ADAMTSL1: variants seen among roughly 807,000 people sequenced by gnomAD.
The protein encoded by ADAMTSL1 is ADAMTS like 1.
Under a neutral mutation model 201.8 loss-of-function variants are expected in ADAMTSL1, and 126 were observed. The observed-to-expected ratio is 0.62, with a 90% CI of 0.54 to 0.72. The LOEUF is 0.72. Among genes scored for constraint, ADAMTSL1 ranks in the 30% least tolerant of loss-of-function variants. ADAMTSL1 has a pLI of 0.00. For missense variants in ADAMTSL1, 2,679 were observed against 2,277.8 expected (o/e 1.18, Z -3.59); for synonymous variants, 1,121 against 903.4 (o/e 1.24, Z -4.32).
At chr9:18,882,992 A>C (rs1248531236) in intron 23 of ADAMTSL1, among the ~76,000 whole-genome samples, 1 of 12,384 alleles carries the variant, frequency 8.1e-5, no homozygotes, top group African/African-American at 8.9e-4. Context: ...AGCCTGCCTC[A>C]AAAAAAAAAA....
intron 1 of ADAMTSL1, among the ~76,000 whole-genome samples, chr9:18,053,541 C>G (rs1395049333): frequency 6.6e-6 from 1 of 152,168 alleles, no homozygotes; most frequent in Non-Finnish European, 1.5e-5. Context: ...AATCACACAA[C>G]ATATTCCACC....
At chr9:18,485,568 G>A (rs911125329) in intron 1 of ADAMTSL1, among the ~76,000 whole-genome samples, 9 of 152,198 alleles carry the variant, frequency 5.9e-5, no homozygotes, top group Non-Finnish European at 1.3e-4. Context: ...GAGGGATGCT[G>A]GCATTTTTCT....
chr9:18,132,298 C>T (rs999149362), intron 1 of ADAMTSL1, among the ~76,000 whole-genome samples: 1 of 152,064 alleles, frequency 6.6e-6, no homozygotes, highest in African/African-American at 2.4e-5. Context: ...TGAAATGCAT[C>T]GTGTGTATAT....
intron 4 of ADAMTSL1, among the ~76,000 whole-genome samples, chr9:18,621,872 T>C (rs1173074683): frequency 2.6e-5 from 4 of 152,206 alleles, no homozygotes; most frequent in Non-Finnish European, 2.9e-5. Context: ...TTTTTGTCAT[T>C]TGAGTGCATC....
intron 23 of ADAMTSL1, among the ~76,000 whole-genome samples, chr9:18,869,968 A>G (rs1362597049): frequency 6.6e-6 from 1 of 151,808 alleles, no homozygotes; most frequent in Non-Finnish European, 1.5e-5. Flanking sequence ...TTCACAATGG[A>G]TAATTTATGT....
intron 1 of ADAMTSL1, among the ~76,000 whole-genome samples, chr9:17,951,553 C>T (rs1288736649): frequency 1.3e-5 from 2 of 151,806 alleles, no homozygotes; most frequent in Non-Finnish European, 2.9e-5. Flanking sequence ...ATCTGTGAGG[C>T]TGAATCCCTT....
In ADAMTSL1 at chr9:18,727,651, T is replaced by C. The variant is rs566402460; in HGVS notation, c.2006+5986T>C. On this transcript the variant is annotated intron_variant, in intron 15 of 28. Coordinates refer to ENST00000380548, the MANE Select transcript of ADAMTSL1 (RefSeq NM_001040272.6). Reference sequence around the variant, plus strand: ...TCAACAAGGGTAAAGGTTATATGTTTATTTGCCTCAGGGCTAAAATGTTTA... The same window carrying C: ...TCAACAAGGGTAAAGGTTATATGTTCATTTGCCTCAGGGCTAAAATGTTTA... 4.8e-4 allele frequency among the ~76,000 whole-genome samples: 73 copies of C among 152,356 alleles called. 1 individual carries two copies. The South Asian group carries it at 0.013, about 28-fold the overall frequency.
chr9:18,027,496 G>T (rs1454759674), intron 1 of ADAMTSL1, among the ~76,000 whole-genome samples: 1 of 151,416 alleles, frequency 6.6e-6, no homozygotes, highest in Non-Finnish European at 1.5e-5. Context: ...GGATCAAGTT[G>T]TTTAGTTTCC....
intron 1 of ADAMTSL1, among the ~76,000 whole-genome samples, chr9:17,939,806 G>C (rs774958846): frequency 1.3e-5 from 2 of 152,158 alleles, no homozygotes; most frequent in African/African-American, 2.4e-5. Context: ...AGGAACAGAG[G>C]CATGTATAAA....
intron 2 of ADAMTSL1, among the ~76,000 whole-genome samples, chr9:18,452,670 T>C (rs933210316): frequency 1.3e-5 from 2 of 152,174 alleles, no homozygotes; most frequent in East Asian, 1.9e-4. Flanking sequence ...ATAAAAGAAA[T>C]AGGCAAGAAG....
At chr9:18,386,711 T>C (rs1837807976) in intron 2 of ADAMTSL1, among the ~76,000 whole-genome samples, 1 of 152,208 alleles carries the variant, frequency 6.6e-6, no homozygotes, top group Admixed American at 6.5e-5. Flanking sequence ...TATTGTATTC[T>C]GCATGTAGTC....
chr9:18,207,821 A>G (rs1794133601), intron 2 of ADAMTSL1, among the ~76,000 whole-genome samples: 1 of 152,196 alleles, frequency 6.6e-6, no homozygotes, highest in Admixed American at 6.6e-5. Flanking sequence ...AGAAAGCAAG[A>G]TAGGATAAAT....
At chr9:18,119,402 C>T (rs545016716) in intron 1 of ADAMTSL1, among the ~76,000 whole-genome samples, 8 of 152,052 alleles carry the variant, frequency 5.3e-5, no homozygotes, top group African/African-American at 1.9e-4. Flanking sequence ...AAGTGATTCT[C>T]CTATTCTCCT....
rs372483086 is a variant in ADAMTSL1, at chr9:18,501,480, G to C, written c.64-3349G>C. Among the ~76,000 whole-genome samples the C allele has an allele frequency of 5.4e-5, 8 of 147,392 alleles. No homozygotes were observed. The South Asian group carries it at 1.7e-3, about 32-fold the overall frequency. On this transcript the variant is annotated intron_variant, in intron 1 of 28. Coordinates refer to ENST00000380548, the MANE Select transcript of ADAMTSL1 (RefSeq NM_001040272.6). ...GATCGTGTCACTGCACTCCAGCCTG[G>C]GCAACAAAGTAAGACACGGTCTCAA...
chr9:18,366,069 G>A (rs61099200), intron 2 of ADAMTSL1, among the ~76,000 whole-genome samples: 3,690 of 152,154 alleles, frequency 0.024, 138 homozygotes, highest in African/African-American at 0.082. Context: ...TATTTTGAGT[G>A]TAATCTCCCT....
At chr9:18,772,520 T>C (rs1226928396) in intron 17 of ADAMTSL1, among the ~76,000 whole-genome samples, 1 of 152,212 alleles carries the variant, frequency 6.6e-6, no homozygotes, top group Non-Finnish European at 1.5e-5. Context: ...AAACCTAGGT[T>C]CAAATCCTGA....
At chr9:18,487,881 CG>C (rs1822075809) in intron 1 of ADAMTSL1, among the ~76,000 whole-genome samples, 1 of 152,142 alleles carries the variant, frequency 6.6e-6, no homozygotes, top group Non-Finnish European at 1.5e-5. Context: ...CAGCTTGTAC[CG>C]TATTTCATCG....
At chr9:18,472,113 A>G (rs967778583), upstream of ADAMTSL1, among the ~76,000 whole-genome samples, 1 of 152,234 alleles carries the variant, frequency 6.6e-6, no homozygotes, top group South Asian at 2.1e-4. Context: ...TAATAGAACT[A>G]GCTGAAACTC....
chr9:18,784,081 T>C (rs986187901), intron 19 of ADAMTSL1, among the ~76,000 whole-genome samples: 1 of 152,206 alleles, frequency 6.6e-6, no homozygotes, highest in African/African-American at 2.4e-5. Flanking sequence ...TGAGCTCTGC[T>C]CTTCAGCAGT....
Sources: gnomAD v4.1 joint callset for allele counts (sites outside exome capture counted in the v4.1 genomes callset) on GRCh38, gnomAD v4.1.1 for gene constraint, MANE v1.5 for transcripts, NCBI Gene and HGNC (gene_info 2026-07-23, HGNC 2026-07-21) for gene names.